The following DPY19L4 variants were observed in gnomAD, a reference collection of about 807,000 sequenced individuals.
The protein encoded by DPY19L4 is dpy-19 like 4.
In DPY19L4, 97 loss-of-function variants were observed where a neutral mutation model predicts 102.8. The ratio of observed to expected loss-of-function variants is 0.94; its 90% confidence interval spans 0.80 to 1.12. The LOEUF (loss-of-function observed/expected upper bound fraction) is 1.12. DPY19L4 is among the 50% of genes most tolerant of loss of function. The probability of loss-of-function intolerance (pLI) is 0.00; values close to 1 mark genes in which losing one functional copy is unlikely to be tolerated. For missense variants in DPY19L4, 815 were observed against 850.4 expected, an observed-to-expected ratio of 0.96 and a Z score of 0.52; for synonymous variants, 252 against 283.1, an observed-to-expected ratio of 0.89 and a Z score of 1.10.
chr8:94,768,561 C>A lies in DPY19L4; in HGVS notation c.1334+8C>A, dbSNP rs1360360296. 2.1e-6 allele frequency: 3 copies of A among 1,404,910 alleles called. No individual in the cohort carries two copies. Among genetic ancestry groups the A allele is most frequent in the Non-Finnish European group, 2.0e-6 (2 of 1,025,348 alleles). The allele number at this position is 1,404,910 out of a possible 1,614,324, so 87.0% of individuals were successfully genotyped here. A position where few individuals can be genotyped will look rare whatever the true frequency, so the allele number is the denominator to read the frequency against. On this transcript the variant is annotated splice_region_variant and intron_variant, in intron 12 of 18. Coordinates refer to ENST00000414645, the MANE Select transcript of DPY19L4 (RefSeq NM_181787.3). ...TATTTTTAGGAGGATTAAGTAAGTA[C>A]CTATGAGAATCAATCATATTACTAA...
intron 8 of DPY19L4, among the ~76,000 whole-genome samples, chr8:94,764,689 G>GTATATATATA (rs1189470959): frequency 4.6e-5 from 2 of 43,212 alleles, no homozygotes. Context: ...GTCTGTGTGT[G>GTATATATATA]TATATATATA....
chr8:94,734,585 A>T (rs775291166), intron 2 of DPY19L4, 45 bp from the exon 3 acceptor site: 1 of 1,561,164 alleles, frequency 6.4e-7, no homozygotes, highest in Non-Finnish European at 8.7e-7. Flanking sequence ...ACATCATATC[A>T]AGGGTACATA....
At chr8:94,779,758 T>C (rs970650432) in intron 14 of DPY19L4, among the ~76,000 whole-genome samples, 1 of 152,162 alleles carries the variant, frequency 6.6e-6, no homozygotes, top group African/African-American at 2.4e-5. Flanking sequence ...GGGAGATAAC[T>C]TAGATGTTTC....
chr8:94,765,693 A>G lies in DPY19L4; in HGVS notation c.1003-18A>G. The G allele has an allele frequency of 6.5e-7, 1 of 1,540,000 alleles. No homozygotes were observed. Among genetic ancestry groups the G allele is most frequent in the East Asian group, 2.3e-5 (1 of 44,348 alleles). ...TTTAACACCTCACTTCTTTGTTCAT[A>G]TGATTTTTCCTCCACAGCTGAATGT... On this transcript the variant is annotated intron_variant, in intron 9 of 18. Coordinates refer to ENST00000414645, the MANE Select transcript of DPY19L4 (RefSeq NM_181787.3).
chr8:94,762,373 G>T (rs1812429843), intron 8 of DPY19L4, among the ~76,000 whole-genome samples: 1 of 152,168 alleles, frequency 6.6e-6, no homozygotes, highest in African/African-American at 2.4e-5. Context: ...TCCTTGAGGT[G>T]AGATCACAGG....
chr8:94,781,350 G>C (rs187354954), intron 16 of DPY19L4, among the ~76,000 whole-genome samples, 184 bp downstream of exon 16: 1 of 152,044 alleles, frequency 6.6e-6, no homozygotes, highest in Non-Finnish European at 1.5e-5. Flanking sequence ...ATCTCCATGG[G>C]CTTGAAAATA....
chr8:94,739,352 G>T, intron 4 of DPY19L4, 61 bp from the exon 5 acceptor site: 1 of 1,475,310 alleles, frequency 6.8e-7, no homozygotes, highest in South Asian at 1.5e-5. Flanking sequence ...AAGGACTAAT[G>T]ACATGTTTAA....
At chr8:94,782,819 A>G (rs1265459767) in intron 16 of DPY19L4, among the ~76,000 whole-genome samples, 1 of 152,168 alleles carries the variant, frequency 6.6e-6, no homozygotes. Context: ...TCTGTTTTCT[A>G]TTGTTGAACA....
intron 1 of DPY19L4, among the ~76,000 whole-genome samples, chr8:94,721,914 G>C (rs1198005447): frequency 6.6e-6 from 1 of 152,150 alleles, no homozygotes; most frequent in Non-Finnish European, 1.5e-5. Flanking sequence ...TTCGAGACCA[G>C]CCTGGCTAAC....
Position 94,784,973 on chromosome 8 carries a change from C to T in DPY19L4, c.1848+1171C>T, listed in dbSNP as rs543840338. ...TATCTGAAAGCAATGATCAACTGAACATGAGTTCCCAATATTCTGTTTTTC... is the reference window on the plus strand; with the variant it reads ...TATCTGAAAGCAATGATCAACTGAATATGAGTTCCCAATATTCTGTTTTTC... On this transcript the variant is annotated intron_variant, in intron 17 of 18. Transcript: ENST00000414645. 9.2e-5 allele frequency among the ~76,000 whole-genome samples: 14 copies of T among 152,258 alleles called. No individual in the cohort carries two copies. The East Asian group carries it at 2.5e-3, about 27-fold the overall frequency.
chr8:94,742,622 G>A (rs1324797332), intron 6 of DPY19L4, among the ~76,000 whole-genome samples: 2 of 149,288 alleles, frequency 1.3e-5, no homozygotes, highest in East Asian at 2.0e-4. Context: ...GCAGTGGCGC[G>A]ATCTTGGCTC....
intron 12 of DPY19L4, among the ~76,000 whole-genome samples, 178 bp from the exon 13 acceptor site, chr8:94,770,274 C>T (rs1334475282): frequency 6.6e-6 from 1 of 152,086 alleles, no homozygotes; most frequent in East Asian, 1.9e-4. Flanking sequence ...AACTTAGAGA[C>T]ATATGTTAGG....
intron 6 of DPY19L4, among the ~76,000 whole-genome samples, chr8:94,748,391 G>T (rs1010113717): frequency 4.6e-5 from 7 of 152,090 alleles, no homozygotes; most frequent in African/African-American, 1.7e-4. Flanking sequence ...CTGATGGAGT[G>T]GTTGCTGGGG....
At chr8:94,723,874 G>C (rs1190674186) in intron 1 of DPY19L4, among the ~76,000 whole-genome samples, 1 of 151,930 alleles carries the variant, frequency 6.6e-6, no homozygotes, top group Admixed American at 6.6e-5. Flanking sequence ...TTACATATTT[G>C]TATGGTCCTT....
rs1005849418 is a variant in DPY19L4, at chr8:94,768,402, A to G, written c.1183A>G (p.Thr395Ala). ...ACTTTTTGTCTTCTATAGGAATTTT[A>G]CAATGAATTGGCTCCTCTGTCAAGA... ...KFGLNMTKNF[T>A]MNWLLCQESL... The change falls in exon 12 of 19, where the codon ACA becomes GCA. Residue 395 changes from threonine to alanine, a missense_variant. Thr to Ala is a moderately conservative substitution (Grantham distance 58). Transcript: ENST00000414645. 14 of 1,592,924 alleles carry G rather than the reference A, an allele frequency of 8.8e-6. No homozygotes were observed. The highest frequency in any genetic ancestry group is 1.9e-5 in the Admixed American group (1 of 53,670).
rs759988481 is a variant in DPY19L4 at position 94,768,416 on chromosome 8, C to T, written c.1197C>T (p.Leu399=). 2.0e-5 allele frequency: 32 copies of T among 1,599,342 alleles called. No individual in the cohort carries two copies. The South Asian group carries it at 3.1e-4, about 16-fold the overall frequency. The change falls in exon 12 of 19, where the codon CTC becomes CTT. Residue 399 remains leucine (L), a synonymous_variant. Transcript: ENST00000414645. ...NMTKNFTMNW[L]LCQESLQAPS... ...ATAGGAATTTTACAATGAATTGGCT[C>T]CTCTGTCAAGAATCCCTGCAGGCAC... is the stretch of plus-strand genomic sequence containing the variant.
chr8:94,750,241 A>C (rs1225479100), intron 6 of DPY19L4, among the ~76,000 whole-genome samples: 1 of 152,172 alleles, frequency 6.6e-6, no homozygotes, highest in East Asian at 1.9e-4. Flanking sequence ...CGCGTGGTTC[A>C]TGTTTTAAAA....
At chr8:94,746,835 A>G (rs59930955) in intron 6 of DPY19L4, among the ~76,000 whole-genome samples, 9,298 of 152,248 alleles carry the variant, frequency 0.061, 814 homozygotes, top group African/African-American at 0.19. Context: ...CTCAGTGTAA[A>G]TGTGATACCA....
chr8:94,781,254 A>G (rs1391927985), intron 16 of DPY19L4, 88 bp downstream of exon 16: 1 of 1,154,428 alleles, frequency 8.7e-7, no homozygotes, highest in Non-Finnish European at 1.2e-6. Flanking sequence ...TAATAAATTA[A>G]TACTTCTCCA....
Sources: gnomAD v4.1 joint callset for allele counts (sites outside exome capture counted in the v4.1 genomes callset) on GRCh38, gnomAD v4.1.1 for gene constraint, MANE v1.5 for transcripts, NCBI Gene and HGNC (gene_info 2026-07-23, HGNC 2026-07-21) for gene names.